GPD1L: variants seen among roughly 807,000 people sequenced by gnomAD.
The protein encoded by GPD1L is glycerol-3-phosphate dehydrogenase 1 like.
In GPD1L, 17 loss-of-function variants were observed where a neutral mutation model predicts 32.9. That is an observed-to-expected ratio of 0.52 (90% CI 0.35 to 0.78). GPD1L has a LOEUF of 0.78. Ranked by LOEUF, GPD1L falls within the 30% of genes least tolerant of loss-of-function variation. The pLI is 0.01. For synonymous variants in GPD1L, 187 were observed against 165.9 expected (o/e 1.13, Z -0.98); for missense variants, 361 against 447.8 (o/e 0.81, Z 1.75).
At chr3:32,154,826 C>T (rs1015758423) in intron 5 of GPD1L, among the ~76,000 whole-genome samples, 1 of 151,910 alleles carries the variant, frequency 6.6e-6, no homozygotes, top group Non-Finnish European at 1.5e-5. Flanking sequence ...CGGCTCACTG[C>T]AACCTCCGCC....
intron 1 of GPD1L, among the ~76,000 whole-genome samples, chr3:32,118,779 T>C (rs761045813): frequency 1.3e-5 from 2 of 152,198 alleles, no homozygotes; most frequent in African/African-American, 4.8e-5. Context: ...CTCAATCCAC[T>C]CTTTCCCCAG....
rs549227738 is a variant in GPD1L, at chr3:32,128,017, G to A, written c.48-59G>A. Reference sequence around the variant, plus strand: ...CAAGTCTTCTGAATTTTAATCAAACGCTTTTTCTCTCCCGCCCAAGTGAGT... The same window carrying A: ...CAAGTCTTCTGAATTTTAATCAAACACTTTTTCTCTCCCGCCCAAGTGAGT... On this transcript the variant is annotated intron_variant, in intron 1 of 7. Coordinates refer to ENST00000282541, the MANE Select transcript of GPD1L (RefSeq NM_015141.4). The A allele has an allele frequency of 1.1e-4, 131 of 1,192,074 alleles. No homozygotes were observed. The East Asian group carries it at 1.9e-3, about 17-fold the overall frequency. 73.8% of individuals were successfully genotyped at this position (1,192,074 alleles called of 1,614,324 possible).
At chr3:32,162,849 C>A (rs1701090191) in intron 7 of GPD1L, among the ~76,000 whole-genome samples, 1 of 152,044 alleles carries the variant, frequency 6.6e-6, no homozygotes, top group South Asian at 2.1e-4. Context: ...ATCTCCGCCT[C>A]CCATGTTTAA....
intron 2 of GPD1L, among the ~76,000 whole-genome samples, chr3:32,135,030 G>A (rs554160347): frequency 7.2e-4 from 110 of 152,334 alleles, no homozygotes; most frequent in Middle Eastern, 3.4e-3. Flanking sequence ...TGAGTAGCTT[G>A]CCAGAGGTCA....
chr3:32,123,692 C>T (rs753426234), intron 1 of GPD1L, among the ~76,000 whole-genome samples: 15 of 151,358 alleles, frequency 9.9e-5, no homozygotes, highest in Non-Finnish European at 2.1e-4. Context: ...ATGCGGGAGT[C>T]GAAAGACAGA....
At chr3:32,143,013 A>C (rs2125487967) in intron 4 of GPD1L, among the ~76,000 whole-genome samples, 1 of 152,122 alleles carries the variant, frequency 6.6e-6, no homozygotes, top group African/African-American at 2.4e-5. Context: ...GTTTCCAAAA[A>C]AGAAAAAAAA....
intron 1 of GPD1L, among the ~76,000 whole-genome samples, chr3:32,119,667 G>A (rs954128327): frequency 1.3e-5 from 2 of 152,140 alleles, no homozygotes; most frequent in African/African-American, 4.8e-5. Flanking sequence ...AAAGAATTAC[G>A]CAAAATGTTA....
At chr3:32,144,994 G>T (rs1027924135) in intron 4 of GPD1L, among the ~76,000 whole-genome samples, 2 of 150,490 alleles carry the variant, frequency 1.3e-5, no homozygotes. Context: ...ATGAGCCACC[G>T]CGCTGGCTTA....
At chr3:32,111,982 A>C (rs1419058928) in intron 1 of GPD1L, among the ~76,000 whole-genome samples, 1 of 152,144 alleles carries the variant, frequency 6.6e-6, no homozygotes, top group East Asian at 1.9e-4. Flanking sequence ...TTATGGTCAG[A>C]AATAATCCTT....
intron 2 of GPD1L, among the ~76,000 whole-genome samples, chr3:32,128,589 C>T (rs1700545603): frequency 1.3e-5 from 2 of 152,210 alleles, no homozygotes; most frequent in African/African-American, 4.8e-5. Context: ...TCTGTATTTT[C>T]ACATGGTCTT....
intron 4 of GPD1L, among the ~76,000 whole-genome samples, chr3:32,143,516 GC>G (rs140666860): frequency 0.066 from 9,980 of 152,218 alleles, 351 homozygotes; most frequent in Middle Eastern, 0.11. Context: ...ACAATGAAAG[GC>G]TAAAGGAGTG....
At position 32,159,033 on chromosome 3, in the gene GPD1L, G is replaced by C; in HGVS notation, c.776G>C (p.Gly259Ala). The C allele has an allele frequency of 6.2e-7, 1 of 1,613,986 alleles. No homozygotes were observed. ...ACAGCCACCTTCCTAGAGAGCTGCG[G>C]GGTGGCCGACCTGATCACCACCTGT... The part of the protein sequence containing the change: ...VSTATFLESC[G>A]VADLITTCYG... Residue 259 changes from glycine to alanine, a missense_variant, in exon 6 of 8, where the codon GGG becomes GCG. Transcript: ENST00000282541.
At chr3:32,140,652 T>A (rs1459309865) in intron 4 of GPD1L, among the ~76,000 whole-genome samples, 1 of 152,102 alleles carries the variant, frequency 6.6e-6, no homozygotes, top group Non-Finnish European at 1.5e-5. Flanking sequence ...AGTGCAAGGT[T>A]GCTTGTACCA....
chr3:32,123,791 AAGATAGATAGAT>A (rs564716825), intron 1 of GPD1L, among the ~76,000 whole-genome samples: 8 of 126,890 alleles, frequency 6.3e-5, no homozygotes, highest in Admixed American at 1.6e-4. Flanking sequence ...CAGGAATTGA[AAGATAGATAGAT>A]AGATAGATAG....
chr3:32,156,449 C>A (rs1700990854), intron 5 of GPD1L, among the ~76,000 whole-genome samples: 1 of 152,198 alleles, frequency 6.6e-6, no homozygotes, highest in South Asian at 2.1e-4. Flanking sequence ...CCGCAGTAAG[C>A]TCTCACATTA....
chr3:32,127,253 G>T (rs1451519), intron 1 of GPD1L, among the ~76,000 whole-genome samples: 3 of 152,068 alleles, frequency 2.0e-5, no homozygotes, highest in African/African-American at 7.3e-5. Context: ...TGCTCCTCAC[G>T]CCAGGAAGGT....
chr3:32,148,970 T>C (rs1700872929), intron 5 of GPD1L, among the ~76,000 whole-genome samples: 1 of 152,248 alleles, frequency 6.6e-6, no homozygotes, highest in South Asian at 2.1e-4. Context: ...TTGTATACCC[T>C]TCCAATGTTT....
intron 1 of GPD1L, among the ~76,000 whole-genome samples, chr3:32,108,617 G>A (rs1700199450): frequency 2.0e-5 from 3 of 152,216 alleles, no homozygotes; most frequent in Admixed American, 6.5e-5. Flanking sequence ...CCTCCTGGAG[G>A]AAAACCAGTG....
At chr3:32,132,764 C>A (rs1240559109) in intron 2 of GPD1L, among the ~76,000 whole-genome samples, 7 of 152,100 alleles carry the variant, frequency 4.6e-5, no homozygotes, top group Admixed American at 2.0e-4. Context: ...GGTTCAGGAG[C>A]CATGCTTTGG....
Sources: allele counts gnomAD v4.1 joint callset (sites outside exome capture counted in the v4.1 genomes callset), GRCh38; gene constraint gnomAD v4.1.1; transcripts MANE v1.5; gene names NCBI Gene and HGNC (gene_info 2026-07-23, HGNC 2026-07-21).